Variants in MBOAT2 observed in about 807,000 individuals in gnomAD.
The protein encoded by MBOAT2 is membrane-bound glycerophospholipid O-acyltransferase 2.
Under a neutral mutation model 63.4 loss-of-function variants are expected in MBOAT2, and 28 were observed. The observed-to-expected ratio is 0.44, with a 90% confidence interval of 0.33 to 0.61. MBOAT2 has a LOEUF of 0.61. MBOAT2 is among the 20% of genes least tolerant of loss of function. The pLI is 0.03. For missense variants in MBOAT2, 470 were observed against 605.8 expected (o/e 0.78, Z 2.35); for synonymous variants, 211 against 215.6 (o/e 0.98, Z 0.19).
intron 1 of MBOAT2, among the ~76,000 whole-genome samples, chr2:8,984,055 GGAAA>G (rs1671381541): frequency 6.6e-6 from 1 of 152,084 alleles, no homozygotes; most frequent in African/African-American, 2.4e-5. Context: ...GCTTTTACAA[GGAAA>G]GAAATTCTGA....
At chr2:8,949,635 A>G (rs1261334531) in intron 2 of MBOAT2, among the ~76,000 whole-genome samples, 1 of 152,018 alleles carries the variant, frequency 6.6e-6, no homozygotes, top group Non-Finnish European at 1.5e-5. Flanking sequence ...AATTTTGTTG[A>G]CAATTAGATG....
At position 9,003,582 on chromosome 2, in the gene MBOAT2, C is replaced by T. The variant is rs1672873242; in HGVS notation, c.33G>A (p.Leu11=). The T allele has an allele frequency of 2.4e-6, 3 of 1,228,534 alleles. No homozygotes were observed. The highest frequency in any genetic ancestry group is 3.1e-6 in the Non-Finnish European group (3 of 979,054). 76.1% of individuals were successfully genotyped at this position (1,228,534 alleles called of 1,614,324 possible). Residue 11 remains leucine, a synonymous_variant, in exon 1 of 13, where the codon CTG becomes CTA. Coordinates refer to ENST00000305997, the MANE Select transcript of MBOAT2 (RefSeq NM_138799.4). The surrounding 1 kb of genome is among the most constrained non-coding windows in gnomAD (Gnocchi z 5.4). ...GCACGGCGTTGCTGAGGGGCTGCAGCAGGGTGGAGCCCGTGGTGCTGGTGG... is the reference window on the plus strand; with the variant it reads ...GCACGGCGTTGCTGAGGGGCTGCAGTAGGGTGGAGCCCGTGGTGCTGGTGG... MATTSTTGST[L]LQPLSNAVQL...
Position 8,860,571 on chromosome 2 carries a change from T to C in MBOAT2, c.1337+42A>G, listed in dbSNP as rs369123254. 1.6e-4 allele frequency: 247 copies of C among 1,584,876 alleles called. 2 individuals carry two copies. The South Asian group carries it at 2.4e-3, about 16-fold the overall frequency. ...ATAGCAAGAAACTTTCTTTTGAAAA[T>C]AGAGTTATTCCCACTGACAAAGTTT... On this transcript the variant is annotated intron_variant, in intron 12 of 12. Transcript: ENST00000305997.
At chr2:8,982,223 A>G (rs1363457020) in intron 1 of MBOAT2, among the ~76,000 whole-genome samples, 2 of 152,196 alleles carry the variant, frequency 1.3e-5, no homozygotes, top group Non-Finnish European at 2.9e-5. Context: ...TATTTACAGC[A>G]TAGGAAAGTT....
Position 8,860,692 on chromosome 2 carries a change from T to C in MBOAT2, c.1258A>G (p.Ile420Val), listed in dbSNP as rs779124430. ...LKLFYDVITW[I>V]VTQVAISYTV... The stretch of plus-strand genomic sequence containing the variant: ...TAACTTATTGCTACTTGAGTTACTA[T>C]CCATGTTATAACATCATAAAATAAT... Residue 420 changes from isoleucine to valine, a missense_variant, in exon 12 of 13, where the codon ATA becomes GTA. Ile to Val is a conservative substitution (Grantham distance 29, BLOSUM62 3). Around this residue, in one of 3 missense-constraint regions of MBOAT2, gnomAD observed 376 missense variants for 503.8 expected, o/e 0.75. Transcript: ENST00000305997. 1 of 1,610,560 alleles carries C rather than the reference T, an allele frequency of 6.2e-7. No individual in the cohort carries two copies.
intron 2 of MBOAT2, among the ~76,000 whole-genome samples, chr2:8,945,385 A>G (rs1192827305): frequency 6.6e-6 from 1 of 152,160 alleles, no homozygotes; most frequent in Non-Finnish European, 1.5e-5. Context: ...TAATAAACAC[A>G]GTGGCCACTT....
chr2:8,863,227 T>G (rs1026150903), intron 10 of MBOAT2, among the ~76,000 whole-genome samples: 1 of 152,096 alleles, frequency 6.6e-6, no homozygotes, highest in Non-Finnish European at 1.5e-5. Context: ...CACAACAGAT[T>G]AGCTCAGAGG....
intron 10 of MBOAT2, among the ~76,000 whole-genome samples, chr2:8,863,207 C>CA (rs963362419): frequency 6.6e-6 from 1 of 152,062 alleles, no homozygotes; most frequent in Non-Finnish European, 1.5e-5. Flanking sequence ...ATAACAATAA[C>CA]AAAAAATAAC....
chr2:8,957,274 A>G (rs62119978), intron 2 of MBOAT2, among the ~76,000 whole-genome samples: 7,460 of 152,264 alleles, frequency 0.049, 183 homozygotes, highest in Middle Eastern at 0.061. Context: ...TGATTTATGA[A>G]AAGTTTAAAT....
In MBOAT2 at chr2:8,862,649, A is replaced by G; in HGVS notation, c.1126T>C (p.Tyr376His). Residue 376 changes from tyrosine (Y) to histidine (H), a missense_variant, in exon 11 of 13, where the codon TAC becomes CAC. Around this residue, in one of 3 missense-constraint regions of MBOAT2, gnomAD observed 376 missense variants for 503.8 expected, o/e 0.75. Transcript: ENST00000305997. The surrounding 1 kb of genome is among the most constrained non-coding windows in gnomAD (Gnocchi z 4.3). The part of the protein sequence containing the change: ...FILSAIWHGV[Y>H]PGYYLTFLTG... ...AGAAACGTTAGATAATATCCTGGGT[A>G]TACCCCGTGCCAAATGGCAGAGAGA... 1 of 1,614,120 alleles carries G rather than the reference A, an allele frequency of 6.2e-7. No homozygotes were observed. The highest frequency in any genetic ancestry group is 8.5e-7 in the Non-Finnish European group (1 of 1,179,958).
At chr2:8,988,571 T>C (rs1346063412) in intron 1 of MBOAT2, among the ~76,000 whole-genome samples, 2 of 152,194 alleles carry the variant, frequency 1.3e-5, no homozygotes, top group African/African-American at 4.8e-5. Flanking sequence ...CATTATATCC[T>C]TTGAGCCAAA....
At chr2:8,943,348 T>C (rs1343901548) in intron 2 of MBOAT2, 84 bp from the exon 3 acceptor site, 4 of 745,532 alleles carry the variant, frequency 5.4e-6, no homozygotes, top group Admixed American at 2.7e-5. Flanking sequence ...AAAATACTTA[T>C]GCATAACACA....
In MBOAT2 at chr2:8,869,210, T is replaced by A. The variant is rs571017621; in HGVS notation, c.884-661A>T. 8.5e-3 allele frequency among the ~76,000 whole-genome samples: 1,001 copies of A among 118,352 alleles called. 14 individuals are homozygous for A. Among genetic ancestry groups the A allele is most frequent in the South Asian group, 0.037 (95 of 2,556 alleles). The allele number at this position is 118,352 out of a possible 152,430, so 77.6% of individuals were successfully genotyped here. Reference sequence around the variant, plus strand: ...TGCAGGTGCACATCATCATGCCTATTTTTTTTTTTTTTTTTTTGTAGAGAT... The same window carrying A: ...TGCAGGTGCACATCATCATGCCTATATTTTTTTTTTTTTTTTTGTAGAGAT... On this transcript the variant is annotated intron_variant, in intron 8 of 12. Transcript: ENST00000305997.
At chr2:8,980,808 T>C (rs1671148080) in intron 1 of MBOAT2, among the ~76,000 whole-genome samples, 1 of 152,132 alleles carries the variant, frequency 6.6e-6, no homozygotes, top group Admixed American at 6.6e-5. Flanking sequence ...TTCCTCAAAA[T>C]GTGAGACATG....
intron 1 of MBOAT2, among the ~76,000 whole-genome samples, chr2:8,962,922 C>T (rs1194227552): frequency 6.6e-6 from 1 of 152,000 alleles, no homozygotes; most frequent in Admixed American, 6.5e-5. Flanking sequence ...AACTCCTAAA[C>T]GCCAGTAGGA....
rs147267789 is a variant in MBOAT2 at position 8,987,692 on chromosome 2, C to T, written c.75+15848G>A. 6.9e-3 allele frequency among the ~76,000 whole-genome samples: 1,043 copies of T among 152,252 alleles called. 19 individuals carry two copies. Among genetic ancestry groups the T allele is most frequent in the African/African-American group, 0.024 (1,000 of 41,530 alleles). On this transcript the variant is annotated intron_variant, in intron 1 of 12. Coordinates refer to ENST00000305997, the MANE Select transcript of MBOAT2 (RefSeq NM_138799.4). ...ATGCTGGCTGTCATCTGGACTTTAG[C>T]TGGACCTGTAGGTTCAAACACCTAC...
chr2:8,971,036 T>C (rs1242127888), intron 1 of MBOAT2, among the ~76,000 whole-genome samples: 1 of 152,228 alleles, frequency 6.6e-6, no homozygotes. Flanking sequence ...ATCATCCTGA[T>C]ACCAAAGCCT....
intron 3 of MBOAT2, among the ~76,000 whole-genome samples, chr2:8,912,365 GAAAGAAAGAGAAAGAA>G (rs1665822382): frequency 9.6e-5 from 9 of 94,028 alleles, no homozygotes; most frequent in South Asian, 3.5e-4. Flanking sequence ...AAGAAAGAAA[GAAAGAAAGAGAAAGAA>G]AGAAAGAAAG....
chr2:8,940,621 A>C (rs1667983072), intron 3 of MBOAT2, among the ~76,000 whole-genome samples: 1 of 152,206 alleles, frequency 6.6e-6, no homozygotes, highest in Non-Finnish European at 1.5e-5. Context: ...TAAGATATGA[A>C]TCAGAATAAT....
Sources: gnomAD v4.1 joint callset for allele counts (sites outside exome capture counted in the v4.1 genomes callset) on GRCh38, gnomAD v4.1.1 for gene constraint, gnomAD v4.1.1 regional missense constraint, Gnocchi (gnomAD v3.1) non-coding constraint, MANE v1.5 for transcripts, NCBI Gene and HGNC (gene_info 2026-07-23, HGNC 2026-07-21) for gene names.